The following JAKMIP2 variants were observed in gnomAD, a reference collection of about 807,000 sequenced individuals.
JAKMIP2 encodes janus kinase and microtubule interacting protein 2.
A neutral mutation model predicts 115.0 loss-of-function variants in JAKMIP2; 25 were observed. The observed-to-expected ratio is 0.22, with a 90% CI of 0.16 to 0.30. The LOEUF (loss-of-function observed/expected upper bound fraction) is 0.30, where lower values mean the gene tolerates loss of function less well. Ranked by LOEUF, JAKMIP2 falls within the 10% of genes least tolerant of loss-of-function variation. JAKMIP2 has a pLI of 1.00. For synonymous variants in JAKMIP2, 334 were observed against 343.6 expected, an observed-to-expected ratio of 0.97 and a Z score of 0.31; for missense variants, 642 against 957.6, an observed-to-expected ratio of 0.67 and a Z score of 4.35.
chr5:147,693,735 T>C (rs978397773), intron 1 of JAKMIP2, among the ~76,000 whole-genome samples: 1 of 152,218 alleles, frequency 6.6e-6, no homozygotes, highest in Non-Finnish European at 1.5e-5. Flanking sequence ...ATTTTTAAGT[T>C]CAAGTTTTTG....
chr5:147,766,983 CCAGT>C (rs767770147), intron 1 of JAKMIP2, among the ~76,000 whole-genome samples: 5 of 152,096 alleles, frequency 3.3e-5, no homozygotes, highest in Non-Finnish European at 5.9e-5. Flanking sequence ...ATGAGATCGG[CCAGT>C]CAATCACTCA....
chr5:147,769,507 G>C (rs1339695755), intron 1 of JAKMIP2, among the ~76,000 whole-genome samples: 2 of 151,904 alleles, frequency 1.3e-5, no homozygotes, highest in Non-Finnish European at 2.9e-5. Flanking sequence ...TTGGATTTTT[G>C]TCTTATTACC....
At position 147,655,384 on chromosome 5, in the gene JAKMIP2, C is replaced by G. The variant is rs1758626274; in HGVS notation, c.628-4837G>C. Among the ~76,000 whole-genome samples the G allele has an allele frequency of 3.3e-5, 5 of 152,140 alleles. No individual in the cohort carries two copies. The South Asian group carries it at 1.0e-3, about 32-fold the overall frequency. On this transcript the variant is annotated intron_variant, in intron 3 of 21. Coordinates refer to ENST00000616793, the MANE Select transcript of JAKMIP2 (RefSeq NM_001270941.2). ...TTACTGCCTCTATTTCAGAACTTGT[C>G]ATTGGTCTATTCAGGGATTTGACTT...
chr5:147,606,967 G>T (rs1756050500), intron 20 of JAKMIP2, among the ~76,000 whole-genome samples: 2 of 152,018 alleles, frequency 1.3e-5, no homozygotes, highest in Non-Finnish European at 1.5e-5. Flanking sequence ...CTCATGATTT[G>T]GCTCTCTGTC....
intron 10 of JAKMIP2, among the ~76,000 whole-genome samples, chr5:147,638,935 A>G (rs578051037): frequency 6.6e-6 from 1 of 152,360 alleles, no homozygotes; most frequent in African/African-American, 2.4e-5. Context: ...AATGTGTGTA[A>G]AATGTTCAAC....
intron 18 of JAKMIP2, 89 bp downstream of exon 18, chr5:147,620,577 T>G: frequency 1.2e-6 from 1 of 863,370 alleles, no homozygotes; most frequent in Non-Finnish European, 1.9e-6. Flanking sequence ...TCTATTCAAG[T>G]ACATAGCATG....
chr5:147,636,482 C>T (rs919077200), intron 11 of JAKMIP2, 198 bp from the exon 12 acceptor site: 1 of 600,566 alleles, frequency 1.7e-6, no homozygotes, highest in African/African-American at 1.9e-5. Context: ...ACCCCCTTTT[C>T]ATCATCACTC....
chr5:147,610,850 G>T (rs769404791), intron 20 of JAKMIP2, among the ~76,000 whole-genome samples: 1 of 152,230 alleles, frequency 6.6e-6, no homozygotes, highest in South Asian at 2.1e-4. Context: ...CCCTGAATGG[G>T]GCTGCTGCCT....
intron 1 of JAKMIP2, among the ~76,000 whole-genome samples, chr5:147,722,654 A>C (rs1413117051): frequency 1.3e-5 from 2 of 152,212 alleles, no homozygotes; most frequent in Non-Finnish European, 2.9e-5. Flanking sequence ...CATAGAAGGA[A>C]GGTGATAATA....
intron 4 of JAKMIP2, among the ~76,000 whole-genome samples, chr5:147,649,779 A>G (rs1287933840): frequency 1.3e-5 from 2 of 152,202 alleles, no homozygotes; most frequent in Non-Finnish European, 2.9e-5. Flanking sequence ...TTGGAAAGGT[A>G]TAAGAGTTAT....
chr5:147,691,525 A>T (rs1481412761), intron 1 of JAKMIP2, among the ~76,000 whole-genome samples: 1 of 152,220 alleles, frequency 6.6e-6, no homozygotes, highest in African/African-American at 2.4e-5. Flanking sequence ...CACCTTTTAT[A>T]TGAAAAAACT....
intron 1 of JAKMIP2, among the ~76,000 whole-genome samples, chr5:147,719,254 A>T: frequency 1.5e-5 from 2 of 130,962 alleles, no homozygotes; most frequent in African/African-American, 3.2e-5. Flanking sequence ...TGCTGAGGAG[A>T]GCTTTACTTC....
intron 1 of JAKMIP2, among the ~76,000 whole-genome samples, chr5:147,763,698 A>G (rs891089875): frequency 6.6e-6 from 1 of 152,146 alleles, no homozygotes; most frequent in Non-Finnish European, 1.5e-5. Context: ...GGGCTTAACA[A>G]TAGTTCCTGG....
chr5:147,764,962 G>GAAAGAAA (rs1755088566), intron 1 of JAKMIP2, among the ~76,000 whole-genome samples: 1 of 72,180 alleles, frequency 1.4e-5, no homozygotes. Flanking sequence ...GAGAGAGAGA[G>GAAAGAAA]AGAGGGGGAG....
intron 1 of JAKMIP2, among the ~76,000 whole-genome samples, chr5:147,712,368 A>C (rs909363043): frequency 1.3e-5 from 2 of 152,132 alleles, no homozygotes; most frequent in African/African-American, 2.4e-5. Context: ...GCATTCACTA[A>C]ATGACAGGAT....
chr5:147,635,925 G>GTA (rs148948409), intron 12 of JAKMIP2, among the ~76,000 whole-genome samples: 27 of 150,304 alleles, frequency 1.8e-4, no homozygotes, highest in Admixed American at 5.3e-4. Flanking sequence ...GTGCGTGTAT[G>GTA]TATATATATA....
intron 3 of JAKMIP2, among the ~76,000 whole-genome samples, chr5:147,659,301 C>A (rs1170828079): frequency 1.3e-5 from 2 of 152,144 alleles, no homozygotes; most frequent in Admixed American, 6.5e-5. Flanking sequence ...CACCTGGCTG[C>A]GTGCACTTCC....
In JAKMIP2 at chr5:147,719,268, C is replaced by G. The variant is rs373312006; in HGVS notation, c.-148-47314G>C. 7.0e-3 allele frequency among the ~76,000 whole-genome samples: 940 copies of G among 134,016 alleles called. 21 individuals are homozygous for G. The highest frequency in any genetic ancestry group is 0.027 in the African/African-American group (870 of 32,158). 87.9% of individuals were successfully genotyped at this position (134,016 alleles called of 152,430 possible). On this transcript the variant is annotated intron_variant, in intron 1 of 21. Transcript: ENST00000616793. ...TTGCTGAGGAGAGCTTTACTTCCAA[C>G]TATGTGGTCAATTTTGGAATAGGTG...
chr5:147,623,597 T>C (rs1756953973), intron 17 of JAKMIP2, 24 bp downstream of exon 17: 3 of 1,514,548 alleles, frequency 2.0e-6, no homozygotes, highest in Non-Finnish European at 2.7e-6. Context: ...TCTTAATTTT[T>C]ACAATATCTC....
Sources: gnomAD v4.1 joint callset for allele counts (sites outside exome capture counted in the v4.1 genomes callset) on GRCh38, gnomAD v4.1.1 for gene constraint, MANE v1.5 for transcripts, NCBI Gene and HGNC (gene_info 2026-07-23, HGNC 2026-07-21) for gene names.